Variants in CGGBP1 observed in about 807,000 individuals in gnomAD.
CGGBP1 encodes the protein CGG triplet repeat-binding protein 1.
A neutral mutation model predicts 11.4 loss-of-function variants in CGGBP1; 4 were observed. The observed-to-expected ratio is 0.35, with a 90% CI of 0.17 to 0.80. The LOEUF (loss-of-function observed/expected upper bound fraction) is 0.80. Among genes scored for constraint, CGGBP1 ranks in the 30% least tolerant of loss-of-function variants. The probability of loss-of-function intolerance (pLI) is 0.52; values close to 1 mark genes in which losing one functional copy is unlikely to be tolerated. For synonymous variants in CGGBP1, 76 were observed against 74.1 expected (o/e 1.03, Z -0.13); for missense variants, 135 against 202.1 (o/e 0.67, Z 2.01).
chr3:88,106,052 G>A (rs569176362), intron 2 of CGGBP1, among the ~76,000 whole-genome samples: 1 of 152,156 alleles, frequency 6.6e-6, no homozygotes, highest in Non-Finnish European at 1.5e-5. Context: ...AGAAGAGAAG[G>A]GCCTCACCAG....
chr3:88,149,342 C>T (rs1389700162), intron 1 of CGGBP1, among the ~76,000 whole-genome samples: 2 of 152,172 alleles, frequency 1.3e-5, no homozygotes, highest in African/African-American at 2.4e-5. Flanking sequence ...AATCTGGCGT[C>T]CAGAACCCCC....
intron 1 of CGGBP1, among the ~76,000 whole-genome samples, chr3:88,147,443 G>T (rs989927705): frequency 6.6e-6 from 1 of 152,154 alleles, no homozygotes; most frequent in African/African-American, 2.4e-5. Flanking sequence ...AGTTGAAGGA[G>T]CAGATGATAA....
chr3:88,100,770 T>C (rs990846858), intron 2 of CGGBP1, among the ~76,000 whole-genome samples: 5 of 149,766 alleles, frequency 3.3e-5, no homozygotes, highest in African/African-American at 7.4e-5. Flanking sequence ...TGAGAACACT[T>C]GGACACAGGA....
chr3:88,114,977 A>G (rs1251977933), intron 2 of CGGBP1, among the ~76,000 whole-genome samples: 1 of 152,234 alleles, frequency 6.6e-6, no homozygotes, highest in African/African-American at 2.4e-5. Flanking sequence ...GTGCAAGTTA[A>G]GTGCAAACCC....
chr3:88,146,404 A>G lies in CGGBP1; in HGVS notation c.-338+3307T>C, dbSNP rs1707313538. ...TGGTTGGGTGAATGGATACTTTAGT[A>G]GTAAGATCTAATATCCCAAACCGCT... On this transcript the variant is annotated intron_variant, in intron 1 of 3. Transcript: ENST00000462901. Among the ~76,000 whole-genome samples the G allele has an allele frequency of 4.6e-5, 7 of 152,348 alleles. No homozygotes were observed. In the South Asian group the frequency reaches 1.4e-3, roughly 32 times the overall value.
intron 2 of CGGBP1, among the ~76,000 whole-genome samples, chr3:88,119,030 A>C (rs1383441957): frequency 6.7e-6 from 1 of 149,618 alleles, no homozygotes; most frequent in African/African-American, 2.5e-5. Context: ...CCATCCCATT[A>C]CTGGGTATAT....
intron 2 of CGGBP1, among the ~76,000 whole-genome samples, chr3:88,080,639 C>T (rs1708030177): frequency 6.6e-6 from 1 of 151,974 alleles, no homozygotes; most frequent in Admixed American, 6.6e-5. Flanking sequence ...TGCCAATTTA[C>T]CTGCTTTATT....
At chr3:88,071,881 A>G (rs1306493608) in intron 2 of CGGBP1, among the ~76,000 whole-genome samples, 7 of 152,196 alleles carry the variant, frequency 4.6e-5, no homozygotes, top group Non-Finnish European at 1.5e-5. Flanking sequence ...AAGACTTTTT[A>G]TCTTCTCTCT....
At chr3:88,084,938 T>C (rs1247698208) in intron 2 of CGGBP1, among the ~76,000 whole-genome samples, 4 of 152,224 alleles carry the variant, frequency 2.6e-5, no homozygotes, top group African/African-American at 9.6e-5. Flanking sequence ...CACATCTGCC[T>C]GACCTCTGCC....
At chr3:88,098,771 A>G (rs896732873) in intron 2 of CGGBP1, among the ~76,000 whole-genome samples, 9 of 152,222 alleles carry the variant, frequency 5.9e-5, no homozygotes, top group African/African-American at 1.7e-4. Flanking sequence ...GCCTTTGACA[A>G]AATTCAACAA....
upstream of CGGBP1, chr3:88,059,156 G>A (rs1706680390): frequency 4.5e-6 from 6 of 1,328,570 alleles, no homozygotes; most frequent in Non-Finnish European, 3.0e-6. Context: ...AAAAACTGGG[G>A]GCGTGGGTGG....
intron 2 of CGGBP1, among the ~76,000 whole-genome samples, chr3:88,122,845 A>G (rs1214505400): frequency 6.6e-6 from 1 of 151,848 alleles, no homozygotes; most frequent in Admixed American, 6.6e-5. Context: ...CCCTGTCTCT[A>G]CTAATAATAC....
chr3:88,057,638 T>G (rs1373381870), intron 2 of CGGBP1: 1 of 152,264 alleles, frequency 6.6e-6, no homozygotes, highest in African/African-American at 2.4e-5. Context: ...ATTAAATATT[T>G]GTGCCCCGTA....
At chr3:88,071,154 T>C (rs1379696060) in intron 2 of CGGBP1, among the ~76,000 whole-genome samples, 7 of 152,238 alleles carry the variant, frequency 4.6e-5, no homozygotes, top group Admixed American at 4.6e-4. Context: ...AACTATATTA[T>C]GCAGTTCCCC....
At chr3:88,144,106 G>C (rs1476404828) in intron 1 of CGGBP1, 1 of 152,246 alleles carries the variant, frequency 6.6e-6, no homozygotes, top group Non-Finnish European at 1.5e-5. Flanking sequence ...AATTTCTGCT[G>C]TGTGTCAGTA....
chr3:88,065,235 A>C (rs1484544619), intron 2 of CGGBP1, among the ~76,000 whole-genome samples: 1 of 152,096 alleles, frequency 6.6e-6, no homozygotes, highest in South Asian at 2.1e-4. Context: ...AAACAAATGA[A>C]CCTTAGATGT....
chr3:88,077,731 G>A (rs1282098498), intron 2 of CGGBP1, among the ~76,000 whole-genome samples: 1 of 152,112 alleles, frequency 6.6e-6, no homozygotes, highest in African/African-American at 2.4e-5. Context: ...CAATTTAACA[G>A]AATATTTTAA....
intron 2 of CGGBP1, among the ~76,000 whole-genome samples, chr3:88,078,366 C>A (rs1576219765): frequency 6.6e-6 from 1 of 152,062 alleles, no homozygotes; most frequent in African/African-American, 2.4e-5. Context: ...TGTGGTTAAA[C>A]GTATTAAAGC....
At chr3:88,129,952 C>A in intron 2 of CGGBP1, 1 of 817,634 alleles carries the variant, frequency 1.2e-6, no homozygotes, top group Non-Finnish European at 1.7e-6. Context: ...ATTGATTGTG[C>A]AAGGAACAAT....
Sources: gnomAD v4.1 joint callset for allele counts (sites outside exome capture counted in the v4.1 genomes callset) on GRCh38, gnomAD v4.1.1 for gene constraint, MANE v1.5 for transcripts, NCBI Gene and HGNC (gene_info 2026-07-23, HGNC 2026-07-21) for gene names.